The following SLC44A3 variants were observed in gnomAD, a reference collection of about 807,000 sequenced individuals.
The protein encoded by SLC44A3 is solute carrier family 44 member 3.
A neutral mutation model predicts 75.4 loss-of-function variants in SLC44A3; 74 were observed. The ratio of observed to expected loss-of-function variants is 0.98; its 90% CI spans 0.81 to 1.19. The LOEUF (loss-of-function observed/expected upper bound fraction) is 1.19. Ranked by LOEUF, SLC44A3 falls within the 50% of genes most tolerant of loss-of-function variation. SLC44A3 has a pLI of 0.00. For synonymous variants in SLC44A3, 310 were observed against 296.9 expected, an observed-to-expected ratio of 1.04 and a Z score of -0.45; for missense variants, 700 against 778.6, an observed-to-expected ratio of 0.90 and a Z score of 1.20.
intron 12 of SLC44A3, among the ~76,000 whole-genome samples, chr1:94,878,094 C>T (rs1417665513): frequency 4.6e-5 from 7 of 152,082 alleles, no homozygotes; most frequent in East Asian, 1.9e-4. Context: ...ATTAGCCGGG[C>T]GAGGTGGCGG....
chr1:94,822,151 T>G (rs562692798), intron 2 of SLC44A3, among the ~76,000 whole-genome samples: 1 of 152,246 alleles, frequency 6.6e-6, no homozygotes, highest in East Asian at 1.9e-4. Context: ...AAGCTGTTAT[T>G]GTGATTTAAT....
At chr1:94,849,124 A>G (rs1664852910) in intron 9 of SLC44A3, among the ~76,000 whole-genome samples, 1 of 152,086 alleles carries the variant, frequency 6.6e-6, no homozygotes. Flanking sequence ...ACTGCAAGAG[A>G]GACCTGGAGG....
intron 8 of SLC44A3, 117 bp from the exon 9 acceptor site, chr1:94,845,161 G>C (rs1664241057): frequency 9.3e-7 from 1 of 1,073,716 alleles, no homozygotes; most frequent in Non-Finnish European, 1.3e-6. Flanking sequence ...AAAGTAGTGA[G>C]TAACTATCTT....
chr1:94,866,075 G>T (rs1320113291), intron 11 of SLC44A3, among the ~76,000 whole-genome samples: 1 of 152,090 alleles, frequency 6.6e-6, no homozygotes, highest in Non-Finnish European at 1.5e-5. Context: ...CATATCCAGG[G>T]CAAAACTAGC....
chr1:94,867,116 C>T (rs939668441), intron 11 of SLC44A3, among the ~76,000 whole-genome samples: 3 of 152,016 alleles, frequency 2.0e-5, no homozygotes, highest in East Asian at 1.9e-4. Context: ...CCTAATAGCA[C>T]CCCTAACACG....
chr1:94,820,715 C>A (rs1660441628), intron 1 of SLC44A3: 3 of 1,387,986 alleles, frequency 2.2e-6, no homozygotes, highest in African/African-American at 1.5e-5. Flanking sequence ...TCCTCAGGTG[C>A]ACCTCCAGGT....
At chr1:94,828,927 T>C (rs1169839759) in intron 5 of SLC44A3, among the ~76,000 whole-genome samples, 1 of 152,132 alleles carries the variant, frequency 6.6e-6, no homozygotes, top group Non-Finnish European at 1.5e-5. Flanking sequence ...TCTACTCCAA[T>C]TATTTATTGC....
chr1:94,874,521 G>A (rs1668075245), intron 12 of SLC44A3, among the ~76,000 whole-genome samples: 1 of 152,218 alleles, frequency 6.6e-6, no homozygotes, highest in African/African-American at 2.4e-5. Context: ...GGGAAGTAAT[G>A]TTTGTTGAAT....
At chr1:94,827,339 G>A (rs1370217557) in intron 3 of SLC44A3, 168 bp from the exon 4 acceptor site, 1 of 770,702 alleles carries the variant, frequency 1.3e-6, no homozygotes, top group Non-Finnish European at 2.1e-6. Context: ...CAGCTTCATG[G>A]ATGACCACCA....
At chr1:94,878,140 A>AAG (rs1668514757) in intron 12 of SLC44A3, among the ~76,000 whole-genome samples, 2 of 152,058 alleles carry the variant, frequency 1.3e-5, no homozygotes, top group African/African-American at 4.8e-5. Flanking sequence ...AGGCTGAGGC[A>AAG]GGAGAATGGC....
intron 12 of SLC44A3, among the ~76,000 whole-genome samples, chr1:94,877,164 T>C (rs1428740019): frequency 8.2e-6 from 1 of 121,718 alleles, no homozygotes; most frequent in Non-Finnish European, 1.9e-5. Flanking sequence ...GGACCTTCAG[T>C]CAAGACCCAT....
intron 8 of SLC44A3, among the ~76,000 whole-genome samples, chr1:94,844,937 T>C (rs1027506669): frequency 6.6e-6 from 1 of 152,222 alleles, no homozygotes; most frequent in Non-Finnish European, 1.5e-5. Flanking sequence ...TGCAATATCT[T>C]GGGTTCTGTG....
At chr1:94,820,927 C>T in intron 1 of SLC44A3, 22 bp from the exon 2 acceptor site, 2 of 1,544,818 alleles carry the variant, frequency 1.3e-6, no homozygotes, top group Non-Finnish European at 1.8e-6. Context: ...TTCTTTTTCT[C>T]AACTCTCCCT....
chr1:94,822,430 T>C (rs183807153), intron 2 of SLC44A3, among the ~76,000 whole-genome samples: 1 of 152,366 alleles, frequency 6.6e-6, no homozygotes, highest in East Asian at 1.9e-4. Flanking sequence ...TGGCTTTTAG[T>C]GTCTTTTGCA....
chr1:94,848,887 C>T (rs6669849), intron 9 of SLC44A3, among the ~76,000 whole-genome samples: 9,340 of 152,102 alleles, frequency 0.061, 320 homozygotes, highest in East Asian at 0.1. Context: ...GGCTGGAAAT[C>T]GCCAGGTCAG....
At chr1:94,856,423 C>G (rs907123923) in intron 9 of SLC44A3, among the ~76,000 whole-genome samples, 1 of 152,200 alleles carries the variant, frequency 6.6e-6, no homozygotes, top group Non-Finnish European at 1.5e-5. Context: ...AAGGTTAACA[C>G]TGAGGCCCAG....
At position 94,861,525 on chromosome 1, in the gene SLC44A3, T is replaced by A. The variant is rs754027498; in HGVS notation, c.1239-3218T>A. Among the ~76,000 whole-genome samples, 219 of 152,346 alleles carry A rather than the reference T, an allele frequency of 1.4e-3. 1 individual carries two copies. The highest frequency in any genetic ancestry group is 2.5e-3 in the Non-Finnish European group (168 of 68,028). On this transcript the variant is annotated intron_variant, in intron 10 of 14. Coordinates refer to ENST00000271227, the MANE Select transcript of SLC44A3 (RefSeq NM_001114106.3). ...TACATATTACTTTGATTAAAAAAAA[T>A]TAATTTATAATATAACACACAATGA...
intron 12 of SLC44A3, among the ~76,000 whole-genome samples, chr1:94,872,781 G>A (rs1052142832): frequency 6.6e-6 from 1 of 152,212 alleles, no homozygotes; most frequent in African/African-American, 2.4e-5. Context: ...CAGCATCAAA[G>A]CCATGAGATG....
At chr1:94,893,820 C>A (rs112400256) in intron 14 of SLC44A3, among the ~76,000 whole-genome samples, 8,953 of 152,114 alleles carry the variant, frequency 0.059, 328 homozygotes, top group Middle Eastern at 0.095. Context: ...GAAATCCGGG[C>A]ACTATGGCTC....
Sources: gnomAD v4.1 joint callset for allele counts (sites outside exome capture counted in the v4.1 genomes callset) on GRCh38, gnomAD v4.1.1 for gene constraint, MANE v1.5 for transcripts, NCBI Gene and HGNC (gene_info 2026-07-23, HGNC 2026-07-21) for gene names.